The following ZNF83 variants were observed in gnomAD, a reference collection of about 807,000 sequenced individuals.
ZNF83 encodes the protein zinc finger protein 83, also known as zinc finger protein 816B.
For synonymous variants in ZNF83, 209 were observed against 213.0 expected (o/e 0.98, Z 0.17); for missense variants, 552 against 629.9 (o/e 0.88, Z 1.32).
intron 1 of ZNF83, among the ~76,000 whole-genome samples, chr19:52,673,594 G>A (rs2061756903): frequency 6.6e-6 from 1 of 152,100 alleles, no homozygotes; most frequent in African/African-American, 2.4e-5. Flanking sequence ...GCTTTTGAAA[G>A]CTGTTTTCCC....
intron 2 of ZNF83, among the ~76,000 whole-genome samples, chr19:52,629,824 G>A (rs911834052): frequency 2.6e-5 from 4 of 152,196 alleles, no homozygotes; most frequent in African/African-American, 7.2e-5. Flanking sequence ...ATCTGCTCCC[G>A]ACATTAAATA....
intron 1 of ZNF83, among the ~76,000 whole-genome samples, chr19:52,677,306 TAA>T (rs67835464): frequency 0.26 from 27,880 of 105,956 alleles, 2,899 homozygotes; most frequent in African/African-American, 0.28. Flanking sequence ...AATTGAGAAG[TAA>T]AAAAAAAAAA....
At chr19:52,649,611 G>A (rs970871618) in intron 3 of ZNF83, among the ~76,000 whole-genome samples, 12 of 152,138 alleles carry the variant, frequency 7.9e-5, no homozygotes, top group Non-Finnish European at 1.5e-4. Context: ...AATCTTCCCC[G>A]AGCATTTTAG....
chr19:52,631,568 G>A (rs985732984), intron 2 of ZNF83, among the ~76,000 whole-genome samples: 6 of 152,292 alleles, frequency 3.9e-5, no homozygotes, highest in African/African-American at 7.2e-5. Context: ...TCCTTCAGCT[G>A]CACTCACTCT....
intron 1 of ZNF83, chr19:52,636,374 T>C (rs767586130): frequency 6.8e-6 from 1 of 147,884 alleles, no homozygotes; most frequent in Non-Finnish European, 1.5e-5. Context: ...TTTTTCTCAC[T>C]TCACTGCCCC....
chr19:52,625,365 C>T (rs763415711), intron 2 of ZNF83, among the ~76,000 whole-genome samples: 1 of 152,114 alleles, frequency 6.6e-6, no homozygotes, highest in Non-Finnish European at 1.5e-5. Flanking sequence ...TTAATGCCTC[C>T]TTAATAAAAA....
chr19:52,620,859 A>T (rs562096836), intron 2 of ZNF83, among the ~76,000 whole-genome samples: 28 of 152,208 alleles, frequency 1.8e-4, no homozygotes, highest in African/African-American at 6.5e-4. Context: ...ACCTCATGAC[A>T]TTCTTCTTCT....
chr19:52,631,725 TG>T (rs2060969369), intron 2 of ZNF83, among the ~76,000 whole-genome samples: 1 of 152,124 alleles, frequency 6.6e-6, no homozygotes. Flanking sequence ...CCTTCTTTCC[TG>T]TTCTTCACCT....
At chr19:52,630,394 CTT>C (rs1456935503) in intron 2 of ZNF83, among the ~76,000 whole-genome samples, 1 of 152,214 alleles carries the variant, frequency 6.6e-6, no homozygotes, top group Non-Finnish European at 1.5e-5. Flanking sequence ...GCCTGTTTCT[CTT>C]GCCTCCATAA....
chr19:52,662,934 G>T (rs888373680), intron 1 of ZNF83, among the ~76,000 whole-genome samples: 9 of 152,102 alleles, frequency 5.9e-5, no homozygotes, highest in African/African-American at 1.9e-4. Flanking sequence ...AGGCTGACAG[G>T]GGTAGATCAC....
At chr19:52,630,156 CACTT>C (rs1184425029) in intron 2 of ZNF83, among the ~76,000 whole-genome samples, 1 of 152,230 alleles carries the variant, frequency 6.6e-6, no homozygotes, top group Admixed American at 6.5e-5. Flanking sequence ...CCGTTCAACT[CACTT>C]GGCAACCACT....
upstream of ZNF83, among the ~76,000 whole-genome samples, chr19:52,640,568 C>A (rs566069949): frequency 6.6e-6 from 1 of 152,230 alleles, no homozygotes; most frequent in Admixed American, 6.5e-5. Flanking sequence ...ATTGCTCTGT[C>A]GCCCAGTGGT....
intron 1 of ZNF83, among the ~76,000 whole-genome samples, chr19:52,678,017 A>T (rs1358801409): frequency 2.1e-5 from 3 of 143,796 alleles, no homozygotes; most frequent in African/African-American, 7.7e-5. Context: ...CCTGGGTGAC[A>T]GAGTGAGACT....
At chr19:52,682,312 T>C (rs1404631730) in intron 1 of ZNF83, among the ~76,000 whole-genome samples, 1 of 152,140 alleles carries the variant, frequency 6.6e-6, no homozygotes, top group African/African-American at 2.4e-5. Flanking sequence ...TAGAGGTCAG[T>C]AGATCAAGGC....
intron 1 of ZNF83, among the ~76,000 whole-genome samples, chr19:52,677,472 T>C (rs961418420): frequency 9.5e-4 from 144 of 151,058 alleles, no homozygotes; most frequent in African/African-American, 3.3e-3. Flanking sequence ...GGTGACAGAG[T>C]GAGACTCTGT....
At chr19:52,615,887 G>A (rs1318143501) in intron 2 of ZNF83, among the ~76,000 whole-genome samples, 1 of 152,164 alleles carries the variant, frequency 6.6e-6, no homozygotes, top group Non-Finnish European at 1.5e-5. Context: ...GCCCCAGGCT[G>A]GAGTGCAATG....
intron 3 of ZNF83, among the ~76,000 whole-genome samples, chr19:52,647,926 AC>A (rs1260434621): frequency 6.7e-6 from 1 of 150,186 alleles, no homozygotes; most frequent in Non-Finnish European, 1.5e-5. Flanking sequence ...ACTCTCTGGC[AC>A]CCTAGATTCC....
intron 3 of ZNF83, chr19:52,652,934 A>C: frequency 8.4e-7 from 1 of 1,188,892 alleles, no homozygotes; most frequent in Non-Finnish European, 1.2e-6. Flanking sequence ...TGGTATACAA[A>C]GGATGACATA....
At chr19:52,639,420 T>TTTC (rs1568556750), upstream of ZNF83, among the ~76,000 whole-genome samples, 1 of 139,580 alleles carries the variant, frequency 7.2e-6, no homozygotes. Context: ...TTTCTATTTT[T>TTTC]TTTTTTTTTT....
Sources: allele counts gnomAD v4.1 joint callset (sites outside exome capture counted in the v4.1 genomes callset), GRCh38; gene constraint gnomAD v4.1.1; transcripts MANE v1.5; gene names NCBI Gene and HGNC (gene_info 2026-07-23, HGNC 2026-07-21).